The following STXBP5L variants were observed in gnomAD, a reference collection of about 807,000 sequenced individuals.
STXBP5L encodes the protein syntaxin-binding protein 5-like.
A neutral mutation model predicts 144.5 loss-of-function variants in STXBP5L; 65 were observed. The ratio of observed to expected loss-of-function variants is 0.45; its 90% CI spans 0.37 to 0.55. The LOEUF is 0.55. Ranked by LOEUF, STXBP5L falls within the 20% of genes least tolerant of loss-of-function variation. The probability of loss-of-function intolerance (pLI) is 0.00; values close to 1 mark genes in which losing one functional copy is unlikely to be tolerated. For synonymous variants in STXBP5L, 505 were observed against 469.6 expected (o/e 1.08, Z -0.97); for missense variants, 1,298 against 1,405.5 (o/e 0.92, Z 1.22).
At chr3:121,094,471 A>G (rs1439004766) in intron 5 of STXBP5L, among the ~76,000 whole-genome samples, 4 of 151,996 alleles carry the variant, frequency 2.6e-5, no homozygotes, top group Non-Finnish European at 5.9e-5. Flanking sequence ...TTGGGTGCAT[A>G]TATATTTAGG....
At chr3:120,961,712 T>A (rs377003635) in intron 3 of STXBP5L, among the ~76,000 whole-genome samples, 53 of 152,356 alleles carry the variant, frequency 3.5e-4, no homozygotes, top group African/African-American at 1.2e-3. Context: ...TTTGCTGTTG[T>A]GAATAGTGCC....
At position 121,050,362 on chromosome 3, in the gene STXBP5L, AT is replaced by A. The variant is rs748747972; in HGVS notation, c.470+4830del. ...GTTTAAAATAAGTAATGTAGCAGAAATTTCAAGGATATCAAAAAACTTTAAG... is the reference window on the plus strand; with the variant it reads ...GTTTAAAATAAGTAATGTAGCAGAAATTCAAGGATATCAAAAAACTTTAAG... On this transcript the variant is annotated intron_variant, in intron 5 of 26. Transcript: ENST00000471454. 2.6e-3 allele frequency among the ~76,000 whole-genome samples: 390 copies of A among 152,260 alleles called. 1 individual carries two copies. Among genetic ancestry groups the A allele is most frequent in the Non-Finnish European group, 3.8e-3 (258 of 68,026 alleles).
At position 121,094,344 on chromosome 3, in the gene STXBP5L, G is replaced by A. The variant is rs146907630; in HGVS notation, c.471-20581G>A. ...GGTATCCTTGTCGACTTTCTGTCTC[G>A]TTGATCTGTCTAATGTTGACAGTGG... is the stretch of plus-strand genomic sequence containing the variant. On this transcript the variant is annotated intron_variant, in intron 5 of 26. Coordinates refer to ENST00000471454, the MANE Select transcript of STXBP5L (RefSeq NM_001308330.2). Among the ~76,000 whole-genome samples the A allele has an allele frequency of 7.9e-3, 1,204 of 152,116 alleles. 13 individuals carry two copies. The highest frequency in any genetic ancestry group is 0.028 in the African/African-American group (1,152 of 41,478).
At chr3:121,029,867 G>A (rs1386425136) in intron 3 of STXBP5L, among the ~76,000 whole-genome samples, 1 of 151,516 alleles carries the variant, frequency 6.6e-6, no homozygotes, top group Non-Finnish European at 1.5e-5. Flanking sequence ...AGTGGGCAAA[G>A]GATATGAACA....
At chr3:121,030,877 C>G (rs547957881) in intron 3 of STXBP5L, among the ~76,000 whole-genome samples, 1 of 151,902 alleles carries the variant, frequency 6.6e-6, no homozygotes, top group Non-Finnish European at 1.5e-5. Flanking sequence ...CCCCTCTCCT[C>G]AAAAAAGAAA....
At chr3:121,054,786 A>G (rs1055409845) in intron 5 of STXBP5L, among the ~76,000 whole-genome samples, 6 of 112,258 alleles carry the variant, frequency 5.3e-5, no homozygotes, top group African/African-American at 2.3e-4. Flanking sequence ...CTTTTTCTTT[A>G]CCAGTAAAAT....
At chr3:121,142,506 T>C (rs1350587766) in intron 7 of STXBP5L, among the ~76,000 whole-genome samples, 1 of 151,952 alleles carries the variant, frequency 6.6e-6, no homozygotes, top group African/African-American at 2.4e-5. Context: ...CGTTAGGCCA[T>C]GAAACAAACC....
intron 3 of STXBP5L, among the ~76,000 whole-genome samples, chr3:121,005,995 G>A (rs1214672226): frequency 6.6e-6 from 1 of 152,160 alleles, no homozygotes; most frequent in South Asian, 2.1e-4. Context: ...TTTGGAATAG[G>A]TATGGTGTGG....
intron 22 of STXBP5L, among the ~76,000 whole-genome samples, chr3:121,392,419 A>C (rs550436167): frequency 6.6e-6 from 1 of 152,126 alleles, no homozygotes; most frequent in South Asian, 2.1e-4. Context: ...CCCACTATCC[A>C]ACCAGTCCCA....
At chr3:121,254,747 T>A in intron 15 of STXBP5L, 148 bp from the exon 16 acceptor site, 1 of 648,028 alleles carries the variant, frequency 1.5e-6, no homozygotes, top group Admixed American at 3.2e-5. Flanking sequence ...TATGAAAGCG[T>A]GGCATTGAAT....
intron 20 of STXBP5L, among the ~76,000 whole-genome samples, chr3:121,333,781 G>T (rs758365443): frequency 6.6e-6 from 1 of 152,076 alleles, no homozygotes; most frequent in Non-Finnish European, 1.5e-5. Flanking sequence ...TAGAAGAGAT[G>T]GATAAATTTC....
intron 19 of STXBP5L, among the ~76,000 whole-genome samples, chr3:121,280,931 CT>C (rs1168273165): frequency 6.8e-6 from 1 of 147,304 alleles, no homozygotes; most frequent in East Asian, 2.0e-4. Context: ...ATAATAATAA[CT>C]TTTTAAATTT....
At chr3:121,002,287 C>T (rs972713875) in intron 3 of STXBP5L, among the ~76,000 whole-genome samples, 1 of 152,144 alleles carries the variant, frequency 6.6e-6, no homozygotes, top group African/African-American at 2.4e-5. Context: ...TTCATTAGTG[C>T]TTCCCTGATG....
At chr3:121,057,328 A>G (rs1002566172) in intron 5 of STXBP5L, among the ~76,000 whole-genome samples, 3 of 152,056 alleles carry the variant, frequency 2.0e-5, no homozygotes, top group South Asian at 2.1e-4. Context: ...CTTTATATAG[A>G]CTTTCCCTAT....
chr3:120,972,984 G>T (rs937946134), intron 3 of STXBP5L, among the ~76,000 whole-genome samples: 2 of 151,984 alleles, frequency 1.3e-5, no homozygotes, highest in African/African-American at 4.8e-5. Context: ...CTATTTTGTT[G>T]AGGAGTTTTT....
At chr3:121,156,594 G>T (rs2046119616) in intron 8 of STXBP5L, among the ~76,000 whole-genome samples, 1 of 151,818 alleles carries the variant, frequency 6.6e-6, no homozygotes, top group Admixed American at 6.6e-5. Flanking sequence ...CTTACTTTAT[G>T]CTGGTCACTA....
At chr3:121,334,307 T>A (rs1273041005) in intron 20 of STXBP5L, among the ~76,000 whole-genome samples, 2 of 152,166 alleles carry the variant, frequency 1.3e-5, no homozygotes, top group Non-Finnish European at 2.9e-5. Context: ...GGCTGAATTC[T>A]ACCAGATATG....
In STXBP5L at chr3:121,401,072, G is replaced by A. The variant is rs143458350; in HGVS notation, c.2588-6171G>A. ...TTTATATGAAATCCAAGAGCAGGCA[G>A]TATTAACATATGACAGAATAAATGA... On this transcript the variant is annotated intron_variant, in intron 22 of 26. Transcript: ENST00000471454. Among the ~76,000 whole-genome samples the A allele has an allele frequency of 3.9e-4, 59 of 152,158 alleles. 1 individual carries two copies. In the East Asian group the frequency reaches 6.4e-3, roughly 16 times the overall value.
chr3:121,001,689 C>A (rs1011311254), intron 3 of STXBP5L, among the ~76,000 whole-genome samples: 3 of 152,302 alleles, frequency 2.0e-5, no homozygotes, highest in Non-Finnish European at 2.9e-5. Flanking sequence ...TTCGTGGGGC[C>A]AGGAATGAGT....
Sources: gnomAD v4.1 joint callset for allele counts (sites outside exome capture counted in the v4.1 genomes callset) on GRCh38, gnomAD v4.1.1 for gene constraint, MANE v1.5 for transcripts, NCBI Gene and HGNC (gene_info 2026-07-23, HGNC 2026-07-21) for gene names.